The following RAB3C variants were observed in gnomAD, a reference collection of about 807,000 sequenced individuals.
The protein encoded by RAB3C is RAB3C, member RAS oncogene family.
RAB3C carries 17 observed loss-of-function variants against 26.4 expected under a neutral mutation model. The observed-to-expected ratio is 0.64, with a 90% CI of 0.44 to 0.97. The LOEUF is 0.97. Among genes scored for constraint, RAB3C ranks in the 50% least tolerant of loss-of-function variants. The pLI, the probability that RAB3C is intolerant of heterozygous loss-of-function variation, is 0.00. For missense variants in RAB3C, 242 were observed against 281.9 expected, an observed-to-expected ratio of 0.86 and a Z score of 1.01; for synonymous variants, 91 against 95.9, an observed-to-expected ratio of 0.95 and a Z score of 0.30.
chr5:58,822,342 G>A (rs1042005338), intron 3 of RAB3C, among the ~76,000 whole-genome samples: 3 of 152,192 alleles, frequency 2.0e-5, no homozygotes, highest in African/African-American at 4.8e-5. Context: ...TTCCTCAACT[G>A]TAAAATGGGC....
At chr5:58,655,789 CTT>C (rs34352086) in intron 2 of RAB3C, among the ~76,000 whole-genome samples, 1 of 91,602 alleles carries the variant, frequency 1.1e-5, no homozygotes, top group Middle Eastern at 7.4e-3. Context: ...AAACCTAACT[CTT>C]TTTTTTTTTT....
At chr5:58,718,405 G>A (rs1749218406) in intron 2 of RAB3C, among the ~76,000 whole-genome samples, 1 of 151,906 alleles carries the variant, frequency 6.6e-6, no homozygotes, top group Admixed American at 6.6e-5. Flanking sequence ...GATCTGTCAG[G>A]GTATTACTGA....
chr5:58,767,884 A>C (rs1310773883), intron 3 of RAB3C, among the ~76,000 whole-genome samples: 1 of 152,200 alleles, frequency 6.6e-6, no homozygotes, highest in African/African-American at 2.4e-5. Flanking sequence ...AGAGCTATGC[A>C]GAAAATTAAA....
At chr5:58,810,395 G>C (rs149321978) in intron 3 of RAB3C, among the ~76,000 whole-genome samples, 3,775 of 110,884 alleles carry the variant, frequency 0.034, 52 homozygotes, top group Non-Finnish European at 0.049. Flanking sequence ...CTGTGTGTGT[G>C]TGTGTGTGTG....
chr5:58,660,547 A>G (rs566267708), intron 2 of RAB3C, among the ~76,000 whole-genome samples: 1 of 150,264 alleles, frequency 6.7e-6, no homozygotes, highest in Non-Finnish European at 1.5e-5. Flanking sequence ...AAATTTGGCA[A>G]ATATTCTTTA....
chr5:58,788,313 C>T (rs982187818), intron 3 of RAB3C: 12 of 152,270 alleles, frequency 7.9e-5, no homozygotes, highest in Admixed American at 7.9e-4. Flanking sequence ...GTTTAATGCA[C>T]TTGCTGTAGG....
At chr5:58,696,557 C>T (rs990614704) in intron 2 of RAB3C, among the ~76,000 whole-genome samples, 7 of 151,990 alleles carry the variant, frequency 4.6e-5, no homozygotes, top group African/African-American at 1.4e-4. Context: ...GTCCTGGACT[C>T]TTTTTGTTTG....
intron 3 of RAB3C, among the ~76,000 whole-genome samples, chr5:58,774,854 G>T (rs1455046766): frequency 1.3e-5 from 2 of 152,158 alleles, no homozygotes; most frequent in Admixed American, 6.6e-5. Context: ...AGACTGTGTG[G>T]CAGGAGCTGA....
intron 3 of RAB3C, among the ~76,000 whole-genome samples, chr5:58,758,803 G>A (rs1035232776): frequency 1.3e-5 from 2 of 152,070 alleles, no homozygotes; most frequent in Non-Finnish European, 1.5e-5. Context: ...TCACTTCATC[G>A]TGATCTCTCA....
chr5:58,846,258 G>A (rs935462555), intron 4 of RAB3C, among the ~76,000 whole-genome samples: 2 of 152,108 alleles, frequency 1.3e-5, no homozygotes, highest in South Asian at 4.1e-4. Flanking sequence ...GGTGTACAGA[G>A]GAGGGTAAAT....
chr5:58,658,084 G>A (rs1024584691), intron 2 of RAB3C, among the ~76,000 whole-genome samples: 1 of 152,128 alleles, frequency 6.6e-6, no homozygotes, highest in Non-Finnish European at 1.5e-5. Context: ...AAGAAAGTTT[G>A]GGAAGAATAA....
At chr5:58,651,855 T>C (rs1747657690) in intron 2 of RAB3C, among the ~76,000 whole-genome samples, 1 of 152,210 alleles carries the variant, frequency 6.6e-6, no homozygotes, top group African/African-American at 2.4e-5. Flanking sequence ...AGTGTTTACA[T>C]ATAACGTACG....
At chr5:58,675,930 G>A (rs1748215976) in intron 2 of RAB3C, among the ~76,000 whole-genome samples, 1 of 151,254 alleles carries the variant, frequency 6.6e-6, no homozygotes, top group South Asian at 2.1e-4. Context: ...GCAGGCCCCA[G>A]CTGGCCCACC....
chr5:58,606,164 CTG>C (rs1164622448), intron 1 of RAB3C, among the ~76,000 whole-genome samples: 14 of 152,190 alleles, frequency 9.2e-5, no homozygotes, highest in Non-Finnish European at 1.9e-4. Context: ...CCATGACAGA[CTG>C]TATCTGGAAA....
At chr5:58,809,416 C>G in intron 3 of RAB3C, among the ~76,000 whole-genome samples, 1 of 149,184 alleles carries the variant, frequency 6.7e-6, no homozygotes, top group East Asian at 2.0e-4. Context: ...TTAGCAGAGG[C>G]ACAAATTGAA....
intron 3 of RAB3C, 129 bp from the exon 4 acceptor site, chr5:58,824,895 TAACTCTAAATGTCA>T (rs1376952850): frequency 1.7e-6 from 1 of 573,602 alleles, no homozygotes; most frequent in African/African-American, 1.9e-5. Flanking sequence ...CTCAACTAAT[TAACTCTAAATGTCA>T]GGCATTTGGA....
chr5:58,814,144 C>T (rs1743160317), intron 3 of RAB3C, among the ~76,000 whole-genome samples: 1 of 152,164 alleles, frequency 6.6e-6, no homozygotes, highest in Non-Finnish European at 1.5e-5. Context: ...AGAGGCTTCA[C>T]AGTCCTGGTC....
At chr5:58,800,000 C>T (rs929912651) in intron 3 of RAB3C, among the ~76,000 whole-genome samples, 1 of 152,204 alleles carries the variant, frequency 6.6e-6, no homozygotes, top group African/African-American at 2.4e-5. Flanking sequence ...ATTTATTTTA[C>T]CTGGTATATA....
At chr5:58,685,575 A>G (rs187553568) in intron 2 of RAB3C, among the ~76,000 whole-genome samples, 4 of 152,318 alleles carry the variant, frequency 2.6e-5, no homozygotes, top group Admixed American at 1.3e-4. Context: ...AATAGGATGT[A>G]TACATCCTTG....
Sources: gnomAD v4.1 joint callset for allele counts (sites outside exome capture counted in the v4.1 genomes callset) on GRCh38, gnomAD v4.1.1 for gene constraint, MANE v1.5 for transcripts, NCBI Gene and HGNC (gene_info 2026-07-23, HGNC 2026-07-21) for gene names.